Variants in RUNX1 observed in about 807,000 individuals in gnomAD.
RUNX1 encodes the protein runt-related transcription factor 1.
RUNX1 carries 19 observed loss-of-function variants against 42.8 expected under a neutral mutation model. That is an observed-to-expected ratio of 0.44 (90% confidence interval 0.31 to 0.65). The LOEUF (loss-of-function observed/expected upper bound fraction) is 0.65. Among genes scored for constraint, RUNX1 ranks in the 30% least tolerant of loss-of-function variants. The pLI is 0.07. For synonymous variants in RUNX1, 271 were observed against 289.4 expected (o/e 0.94, Z 0.64); for missense variants, 528 against 672.0 (o/e 0.79, Z 2.37).
intron 5 of RUNX1, among the ~76,000 whole-genome samples, chr21:34,877,856 A>G (rs2057836796): frequency 6.6e-6 from 1 of 152,158 alleles, no homozygotes; most frequent in African/African-American, 2.4e-5. Flanking sequence ...TTCTTTCTCT[A>G]CCTTTCATTT....
intron 2 of RUNX1, among the ~76,000 whole-genome samples, chr21:34,963,282 G>A (rs2834693): frequency 0.54 from 82,169 of 151,984 alleles, 22,560 homozygotes; most frequent in African/African-American, 0.63. Flanking sequence ...GAAGGTGCTG[G>A]GTCCACGTGG....
chr21:34,825,338 C>A (rs537374145), intron 7 of RUNX1, among the ~76,000 whole-genome samples: 4 of 152,238 alleles, frequency 2.6e-5, no homozygotes, highest in South Asian at 2.1e-4. Flanking sequence ...GCACTGCTCC[C>A]GGGACACAGG....
chr21:34,864,495 C>G (rs1292309112), intron 5 of RUNX1, among the ~76,000 whole-genome samples: 2 of 152,172 alleles, frequency 1.3e-5, no homozygotes, highest in Admixed American at 6.5e-5. Context: ...ATCCAAGGCT[C>G]CCTGAAGCAC....
At chr21:34,999,666 G>C (rs1051612376) in intron 2 of RUNX1, among the ~76,000 whole-genome samples, 1 of 152,216 alleles carries the variant, frequency 6.6e-6, no homozygotes, top group African/African-American at 2.4e-5. Context: ...GGGGACAGCT[G>C]TTTCAGTGCT....
chr21:34,803,610 T>C (rs556971299), intron 7 of RUNX1, among the ~76,000 whole-genome samples: 38 of 152,328 alleles, frequency 2.5e-4, no homozygotes, highest in African/African-American at 9.1e-4. Flanking sequence ...TGAGCCTTTA[T>C]GCATACTGGT....
At chr21:35,018,867 T>C (rs530088819) in intron 2 of RUNX1, among the ~76,000 whole-genome samples, 14 of 152,182 alleles carry the variant, frequency 9.2e-5, no homozygotes, top group Non-Finnish European at 1.8e-4. Context: ...CTGCATGAGA[T>C]CAGGAACCCC....
chr21:34,882,550 C>T (rs1039282802), intron 4 of RUNX1, among the ~76,000 whole-genome samples: 1 of 152,210 alleles, frequency 6.6e-6, no homozygotes, highest in Non-Finnish European at 1.5e-5. Context: ...CCCAAGCACC[C>T]TCTAATTAGC....
At chr21:34,965,393 G>A (rs999438061) in intron 2 of RUNX1, among the ~76,000 whole-genome samples, 2 of 152,066 alleles carry the variant, frequency 1.3e-5, no homozygotes, top group East Asian at 1.9e-4. Flanking sequence ...TCGCAGCCTC[G>A]GGTTTAGTCT....
At chr21:34,948,890 A>G (rs1458639966) in intron 2 of RUNX1, among the ~76,000 whole-genome samples, 1 of 151,908 alleles carries the variant, frequency 6.6e-6, no homozygotes, top group Non-Finnish European at 1.5e-5. Flanking sequence ...GGATTACAGG[A>G]GCCCGCCACT....
chr21:34,879,624 T>C (rs2057865918), intron 5 of RUNX1, among the ~76,000 whole-genome samples: 1 of 152,192 alleles, frequency 6.6e-6, no homozygotes, highest in East Asian at 1.9e-4. Flanking sequence ...GTCTTTTTAT[T>C]ATACTTGAAA....
chr21:34,887,298 G>A lies in RUNX1; in HGVS notation c.98-202C>T, dbSNP rs1190144360. 5 of 1,460,178 alleles carry A rather than the reference G, an allele frequency of 3.4e-6. No individual in the cohort carries two copies. In the African/African-American group the frequency reaches 4.2e-5, roughly 12 times the overall value. 90.5% of individuals were successfully genotyped at this position (1,460,178 alleles called of 1,614,324 possible). On this transcript the variant is annotated intron_variant, in intron 3 of 8. Transcript: ENST00000675419. ...GGAGACTAAGTTACTAACAGTCCAG[G>A]AGGGGAAAACGTTCTGGTTCTGCGG...
chr21:34,828,383 G>T (rs1477019728), intron 7 of RUNX1, among the ~76,000 whole-genome samples: 1 of 152,112 alleles, frequency 6.6e-6, no homozygotes, highest in Non-Finnish European at 1.5e-5. Context: ...ACTTGTTTTT[G>T]ATTTCACAAA....
chr21:34,801,552 C>T (rs1228996118), intron 7 of RUNX1, among the ~76,000 whole-genome samples: 2 of 152,154 alleles, frequency 1.3e-5, no homozygotes, highest in Non-Finnish European at 2.9e-5. Flanking sequence ...GCAGATTCCA[C>T]ATTTTCTGAC....
intron 6 of RUNX1, among the ~76,000 whole-genome samples, chr21:34,846,725 A>G (rs1459363292): frequency 6.6e-6 from 1 of 152,128 alleles, no homozygotes; most frequent in African/African-American, 2.4e-5. Flanking sequence ...CCGAGAACAG[A>G]CCAGCCCTCA....
intron 5 of RUNX1, among the ~76,000 whole-genome samples, chr21:34,870,927 C>T (rs971011673): frequency 2.6e-5 from 4 of 152,066 alleles, no homozygotes; most frequent in Non-Finnish European, 4.4e-5. Flanking sequence ...CACTGCATTC[C>T]AGCCTGGTGA....
At chr21:34,867,755 C>A (rs1276033056) in intron 5 of RUNX1, among the ~76,000 whole-genome samples, 1 of 152,166 alleles carries the variant, frequency 6.6e-6, no homozygotes, top group Non-Finnish European at 1.5e-5. Context: ...AGCTGGGGAA[C>A]CAAGTTTTAA....
At chr21:34,887,135 G>A in intron 3 of RUNX1, 39 bp from the exon 4 acceptor site, 1 of 1,597,660 alleles carries the variant, frequency 6.3e-7, no homozygotes, top group Non-Finnish European at 8.5e-7. Flanking sequence ...ATTGAGTTAG[G>A]ACCCTGCAAA....
intron 3 of RUNX1, chr21:34,889,643 C>G (rs1355090392): frequency 1.4e-5 from 15 of 1,108,318 alleles, no homozygotes; most frequent in Non-Finnish European, 1.7e-5. Flanking sequence ...TCCCCGCCCC[C>G]GTGCGCTCGA....
intron 2 of RUNX1, among the ~76,000 whole-genome samples, chr21:35,040,874 C>T (rs2059353932): frequency 1.3e-5 from 2 of 151,730 alleles, no homozygotes; most frequent in South Asian, 4.2e-4. Context: ...CTTCTGTTTG[C>T]TCTTTTTAAC....
Sources: gnomAD v4.1 joint callset for allele counts (sites outside exome capture counted in the v4.1 genomes callset) on GRCh38, gnomAD v4.1.1 for gene constraint, MANE v1.5 for transcripts, NCBI Gene and HGNC (gene_info 2026-07-23, HGNC 2026-07-21) for gene names.